The following PRR16 variants were observed in gnomAD, a reference collection of about 807,000 sequenced individuals.
The protein encoded by PRR16 is protein Largen.
In PRR16, 6 loss-of-function variants were observed where a neutral mutation model predicts 18.2. The ratio of observed to expected loss-of-function variants is 0.33; its 90% CI spans 0.18 to 0.65. PRR16 has a LOEUF of 0.65. PRR16 is among the 30% of genes least tolerant of loss of function. The pLI is 0.74. For synonymous variants in PRR16, 151 were observed against 147.8 expected (o/e 1.02, Z -0.16); for missense variants, 412 against 376.6 (o/e 1.09, Z -0.78).
At chr5:120,526,027 C>T (rs1454885770) in intron 1 of PRR16, among the ~76,000 whole-genome samples, 7 of 152,020 alleles carry the variant, frequency 4.6e-5, no homozygotes, top group Admixed American at 6.6e-5. Context: ...GGAAAGGGGC[C>T]GAGAAACAGT....
chr5:120,671,817 T>G (rs1756616040), intron 1 of PRR16, among the ~76,000 whole-genome samples: 1 of 152,168 alleles, frequency 6.6e-6, no homozygotes, highest in African/African-American at 2.4e-5. Context: ...TGTGTACATA[T>G]ATATGTATGA....
At chr5:120,679,950 A>G (rs1756921286) in intron 1 of PRR16, among the ~76,000 whole-genome samples, 1 of 152,140 alleles carries the variant, frequency 6.6e-6, no homozygotes, top group Non-Finnish European at 1.5e-5. Context: ...ATAGTTAATA[A>G]TATTGTATTG....
chr5:120,512,334 A>G (rs1295828221), intron 1 of PRR16, among the ~76,000 whole-genome samples: 1 of 152,098 alleles, frequency 6.6e-6, no homozygotes, highest in African/African-American at 2.4e-5. Flanking sequence ...AAAGATCACA[A>G]TTGCCTGGCT....
chr5:120,684,775 C>T (rs912703451), intron 1 of PRR16, among the ~76,000 whole-genome samples: 12 of 152,194 alleles, frequency 7.9e-5, no homozygotes, highest in Admixed American at 7.2e-4. Flanking sequence ...AGATGTCAGA[C>T]TCCCCAGTAT....
intron 1 of PRR16, among the ~76,000 whole-genome samples, chr5:120,556,366 G>C (rs1043652328): frequency 6.7e-6 from 1 of 149,044 alleles, no homozygotes; most frequent in African/African-American, 2.5e-5. Context: ...GTGCAGTCTT[G>C]CTCATACTAA....
chr5:120,690,043 A>G, downstream of PRR16, among the ~76,000 whole-genome samples: 1 of 152,290 alleles, frequency 6.6e-6, no homozygotes, highest in South Asian at 2.1e-4. Flanking sequence ...TAATATTGGA[A>G]GAAATGAATC....
the PRR16 span, among the ~76,000 whole-genome samples, chr5:120,792,257 C>G: frequency 6.6e-6 from 1 of 152,178 alleles, no homozygotes; most frequent in Non-Finnish European, 1.5e-5. Flanking sequence ...AATGATCAGG[C>G]CTGCTCTTCA....
At chr5:120,753,739 TATC>T in the PRR16 span, among the ~76,000 whole-genome samples, 2 of 148,242 alleles carry the variant, frequency 1.3e-5, no homozygotes, top group African/African-American at 2.5e-5. Flanking sequence ...AGATATATAA[TATC>T]ATTATTCAAA....
the PRR16 span, among the ~76,000 whole-genome samples, chr5:120,772,067 G>C: frequency 6.6e-6 from 1 of 151,808 alleles, no homozygotes; most frequent in African/African-American, 2.4e-5. Flanking sequence ...TTAATTCAAA[G>C]ATTAAAGAAT....
chr5:120,703,415 A>C, the PRR16 span, among the ~76,000 whole-genome samples: 1 of 152,324 alleles, frequency 6.6e-6, no homozygotes, highest in African/African-American at 2.4e-5. Flanking sequence ...CCTGACATAC[A>C]TCAAATTTAT....
At chr5:120,746,432 ATT>A in the PRR16 span, among the ~76,000 whole-genome samples, 22,474 of 151,330 alleles carry the variant, frequency 0.15, 2,527 homozygotes, top group African/African-American at 0.31. Context: ...GAACTCAGAG[ATT>A]TTTTTTTTTA....
chr5:120,719,252 TGACCAGA>T, the PRR16 span, among the ~76,000 whole-genome samples: 1 of 152,068 alleles, frequency 6.6e-6, no homozygotes. Context: ...TGAGTTTGAT[TGACCAGA>T]GTGATAATGA....
intron 1 of PRR16, among the ~76,000 whole-genome samples, chr5:120,475,963 A>G (rs1362686688): frequency 6.6e-6 from 1 of 152,122 alleles, no homozygotes; most frequent in African/African-American, 2.4e-5. Context: ...AAGAGCATAA[A>G]ATCATTGATA....
At chr5:120,630,617 A>G (rs551572520) in intron 1 of PRR16, among the ~76,000 whole-genome samples, 1 of 151,988 alleles carries the variant, frequency 6.6e-6, no homozygotes, top group Non-Finnish European at 1.5e-5. Context: ...GAAAACATCC[A>G]TGTCTTCTAC....
intron 1 of PRR16, among the ~76,000 whole-genome samples, chr5:120,486,013 T>A (rs896470187): frequency 1.3e-5 from 2 of 152,174 alleles, no homozygotes; most frequent in Non-Finnish European, 2.9e-5. Flanking sequence ...TATTCCATGG[T>A]GTATATGTGC....
At chr5:120,789,373 A>G in the PRR16 span, among the ~76,000 whole-genome samples, 1 of 152,090 alleles carries the variant, frequency 6.6e-6, no homozygotes, top group South Asian at 2.1e-4. Context: ...TTAATTAGAG[A>G]TATGGATATA....
At chr5:120,773,615 T>A in the PRR16 span, among the ~76,000 whole-genome samples, 69 of 152,006 alleles carry the variant, frequency 4.5e-4, no homozygotes, top group African/African-American at 1.6e-3. Flanking sequence ...ACTACTTAAC[T>A]AAAAATTAGG....
chr5:120,624,931 C>T (rs1241222869), intron 1 of PRR16, among the ~76,000 whole-genome samples: 3 of 152,052 alleles, frequency 2.0e-5, no homozygotes, highest in African/African-American at 4.8e-5. Context: ...AGGTTCCCTG[C>T]GCAAGCTCTC....
At chr5:120,679,795 A>G (rs778934503) in intron 1 of PRR16, among the ~76,000 whole-genome samples, 2 of 152,244 alleles carry the variant, frequency 1.3e-5, no homozygotes, top group South Asian at 4.1e-4. Flanking sequence ...TGGAATCTAA[A>G]ACAACAACAA....
Sources: allele counts gnomAD v4.1 joint callset (sites outside exome capture counted in the v4.1 genomes callset), GRCh38; gene constraint gnomAD v4.1.1; transcripts MANE v1.5; gene names NCBI Gene and HGNC (gene_info 2026-07-23, HGNC 2026-07-21).